Variants in AIM2 observed in about 807,000 individuals in gnomAD.
The protein encoded by AIM2 is absent in melanoma 2, also known as interferon-inducible protein AIM2.
AIM2 carries 30 observed loss-of-function variants against 27.7 expected under a neutral mutation model. The ratio of observed to expected loss-of-function variants is 1.08; its 90% CI spans 0.81 to 1.47. AIM2 has a LOEUF of 1.47. Ranked by LOEUF, AIM2 falls within the 40% of genes most tolerant of loss-of-function variation. The pLI, the probability that AIM2 is intolerant of heterozygous loss-of-function variation, is 0.00. For missense variants in AIM2, 358 were observed against 411.3 expected (o/e 0.87, Z 1.12); for synonymous variants, 141 against 145.3 (o/e 0.97, Z 0.21).
chr1:159,097,122 A>C (rs1035284261), intron 1 of AIM2, among the ~76,000 whole-genome samples: 2 of 152,062 alleles, frequency 1.3e-5, no homozygotes, highest in African/African-American at 4.8e-5. Flanking sequence ...ATTCTGCCCC[A>C]GTCTCAGGCA....
upstream of AIM2, among the ~76,000 whole-genome samples, chr1:159,144,508 G>A (rs1319839181): frequency 1.3e-5 from 2 of 152,116 alleles, no homozygotes. Flanking sequence ...TTAAAGGGCA[G>A]GAAGGGTGAA....
At chr1:159,087,351 C>A (rs1034033200) in intron 1 of AIM2, among the ~76,000 whole-genome samples, 1 of 151,278 alleles carries the variant, frequency 6.6e-6, no homozygotes, top group African/African-American at 2.4e-5. Flanking sequence ...ATCACCATGG[C>A]TGAGACTAAG....
At chr1:159,111,792 T>A (rs1403671631) in intron 1 of AIM2, among the ~76,000 whole-genome samples, 1 of 104,298 alleles carries the variant, frequency 9.6e-6, no homozygotes, top group African/African-American at 5.9e-5. Context: ...AACCCGTCTC[T>A]ACAAAAAAAA....
intron 1 of AIM2, 93 bp from the exon 2 acceptor site, chr1:159,073,612 AAAAT>A: frequency 7.8e-7 from 1 of 1,282,022 alleles, no homozygotes; most frequent in Non-Finnish European, 1.1e-6. Flanking sequence ...TTTTTAAAGA[AAAAT>A]AAAATATTTG....
intron 1 of AIM2, among the ~76,000 whole-genome samples, chr1:159,126,597 C>T (rs1015784700): frequency 1.5e-5 from 2 of 137,448 alleles, no homozygotes; most frequent in African/African-American, 2.7e-5. Flanking sequence ...TGCAGTGAGC[C>T]GAAATGGCAC....
chr1:159,140,516 G>A (rs979019174), upstream of AIM2: 1 of 152,250 alleles, frequency 6.6e-6, no homozygotes, highest in Middle Eastern at 3.4e-3. Context: ...GCACAGCTGT[G>A]TCCTCTGGTC....
At chr1:159,093,127 AT>A (rs1327275127) in intron 1 of AIM2, among the ~76,000 whole-genome samples, 1 of 152,160 alleles carries the variant, frequency 6.6e-6, no homozygotes, top group Non-Finnish European at 1.5e-5. Flanking sequence ...TACCATTCTG[AT>A]TTCGCATAAA....
At chr1:159,144,315 A>G (rs77374399), upstream of AIM2, among the ~76,000 whole-genome samples, 1,031 of 152,318 alleles carry the variant, frequency 6.8e-3, 10 homozygotes, top group African/African-American at 0.024. Context: ...CTTATAATGT[A>G]TATCAACAAA....
intron 1 of AIM2, among the ~76,000 whole-genome samples, chr1:159,113,675 C>A (rs1237358028): frequency 1.3e-5 from 2 of 152,088 alleles, no homozygotes; most frequent in East Asian, 1.9e-4. Flanking sequence ...GAAACTTGTT[C>A]TTTGGGCTTT....
chr1:159,090,539 GT>G (rs1657020988), intron 1 of AIM2, among the ~76,000 whole-genome samples: 1 of 152,060 alleles, frequency 6.6e-6, no homozygotes, highest in South Asian at 2.1e-4. Flanking sequence ...TTCAATTTTT[GT>G]TTTTGTTTCT....
chr1:159,081,522 TGGTGC>T (rs1656774838), upstream of AIM2: 1 of 523,546 alleles, frequency 1.9e-6, no homozygotes, highest in Admixed American at 2.0e-5. Context: ...TTAATAACAT[TGGTGC>T]TGCAGAAGTC....
intron 1 of AIM2, among the ~76,000 whole-genome samples, chr1:159,137,249 G>A (rs558616688): frequency 1.6e-4 from 24 of 152,278 alleles, no homozygotes; most frequent in Middle Eastern, 3.4e-3. Flanking sequence ...TGGGGGCCAC[G>A]GTTAGCTGTA....
intron 1 of AIM2, among the ~76,000 whole-genome samples, chr1:159,106,110 G>C (rs949865639): frequency 1.3e-5 from 2 of 152,198 alleles, no homozygotes; most frequent in South Asian, 4.1e-4. Flanking sequence ...CAGGGAGTGA[G>C]AGCAGGCACT....
downstream of AIM2, among the ~76,000 whole-genome samples, chr1:159,058,473 C>T (rs375056883): frequency 3.3e-5 from 5 of 151,838 alleles, no homozygotes; most frequent in Admixed American, 3.3e-4. Context: ...ATGTGTATCC[C>T]AGCCCCAGCA....
chr1:159,122,711 A>G (rs1647571529), intron 1 of AIM2, among the ~76,000 whole-genome samples: 1 of 152,156 alleles, frequency 6.6e-6, no homozygotes, highest in African/African-American at 2.4e-5. Flanking sequence ...CCTGAGTCAA[A>G]ATTGTGAAGT....
At chr1:159,136,573 C>A (rs1050137192) in intron 1 of AIM2, among the ~76,000 whole-genome samples, 1 of 152,174 alleles carries the variant, frequency 6.6e-6, no homozygotes, top group East Asian at 1.9e-4. Flanking sequence ...TCTCACCATT[C>A]ATTCTCTCAA....
chr1:159,111,977 G>A (rs1298345125), intron 1 of AIM2, among the ~76,000 whole-genome samples: 1 of 151,996 alleles, frequency 6.6e-6, no homozygotes, highest in Non-Finnish European at 1.5e-5. Context: ...AGGAGGTGGA[G>A]GTTGCAGTGA....
intron 2 of AIM2, among the ~76,000 whole-genome samples, chr1:159,070,965 A>G (rs973759080): frequency 2.0e-5 from 3 of 152,202 alleles, no homozygotes; most frequent in African/African-American, 7.2e-5. Context: ...TACCAATGCA[A>G]TATTTGTGGA....
intron 1 of AIM2, among the ~76,000 whole-genome samples, chr1:159,114,318 G>C (rs1447711794): frequency 5.3e-5 from 8 of 152,226 alleles, no homozygotes; most frequent in Non-Finnish European, 1.0e-4. Context: ...CCTGGGAGAA[G>C]GCAGCAGTTT....
Sources: allele counts gnomAD v4.1 joint callset (sites outside exome capture counted in the v4.1 genomes callset), GRCh38; gene constraint gnomAD v4.1.1; transcripts MANE v1.5; gene names NCBI Gene and HGNC (gene_info 2026-07-23, HGNC 2026-07-21).